Variants in DPP10 observed in about 807,000 individuals in gnomAD.
DPP10 encodes inactive dipeptidyl peptidase 10.
A neutral mutation model predicts 120.9 loss-of-function variants in DPP10; 33 were observed. The ratio of observed to expected loss-of-function variants is 0.27; its 90% confidence interval spans 0.21 to 0.37. The LOEUF is 0.37. DPP10 is among the 10% of genes least tolerant of loss of function. The probability of loss-of-function intolerance (pLI) is 1.00; values close to 1 mark genes in which losing one functional copy is unlikely to be tolerated. For synonymous variants in DPP10, 337 were observed against 326.1 expected (o/e 1.03, Z -0.36); for missense variants, 816 against 942.8 (o/e 0.87, Z 1.76).
intron 1 of DPP10, among the ~76,000 whole-genome samples, chr2:114,937,140 G>C (rs369082201): frequency 2.0e-5 from 3 of 152,208 alleles, no homozygotes; most frequent in African/African-American, 7.2e-5. Context: ...TTGGCTTTTG[G>C]GTTCCTGGTC....
intron 5 of DPP10, among the ~76,000 whole-genome samples, chr2:115,665,551 T>C (rs1435743504): frequency 6.6e-6 from 1 of 152,174 alleles, no homozygotes; most frequent in African/African-American, 2.4e-5. Context: ...GCAACTTAAA[T>C]ATAGAAAACC....
At chr2:115,163,331 CCTCTT>C (rs764196316) in intron 1 of DPP10, among the ~76,000 whole-genome samples, 86 of 152,218 alleles carry the variant, frequency 5.6e-4, no homozygotes, top group Non-Finnish European at 9.0e-4. Flanking sequence ...TTTCTTTTCT[CCTCTT>C]CCCTCCCCTT....
chr2:115,702,983 G>A (rs1470396576), intron 7 of DPP10, among the ~76,000 whole-genome samples: 1 of 151,802 alleles, frequency 6.6e-6, no homozygotes, highest in Non-Finnish European at 1.5e-5. Context: ...GCCTTATAAA[G>A]GTCAGAATTA....
chr2:115,217,741 C>T (rs2056915814), intron 1 of DPP10, among the ~76,000 whole-genome samples: 1 of 152,080 alleles, frequency 6.6e-6, no homozygotes. Context: ...GATTGCTTTG[C>T]CCAAATTATT....
At chr2:115,736,901 A>G (rs1676592571) in intron 8 of DPP10, among the ~76,000 whole-genome samples, 1 of 152,048 alleles carries the variant, frequency 6.6e-6, no homozygotes, top group Non-Finnish European at 1.5e-5. Flanking sequence ...TTCTAATTTT[A>G]CTTTTGCCAC....
chr2:114,802,265 A>G (rs1006454063), intron 1 of DPP10, among the ~76,000 whole-genome samples: 1 of 152,212 alleles, frequency 6.6e-6, no homozygotes, highest in East Asian at 1.9e-4. Context: ...GAGGGCAGGT[A>G]TAAATATAGG....
At chr2:115,176,768 T>C (rs1378487087) in intron 1 of DPP10, among the ~76,000 whole-genome samples, 1 of 152,212 alleles carries the variant, frequency 6.6e-6, no homozygotes, top group Non-Finnish European at 1.5e-5. Flanking sequence ...TTTGGTTACA[T>C]AATTTGATTA....
At chr2:115,426,768 A>G (rs567789109) in intron 3 of DPP10, among the ~76,000 whole-genome samples, 1 of 152,330 alleles carries the variant, frequency 6.6e-6, no homozygotes, top group East Asian at 1.9e-4. Flanking sequence ...TGGCCCCCAC[A>G]AAATTCTTAT....
chr2:114,649,906 G>T (rs1696448184), intron 1 of DPP10, among the ~76,000 whole-genome samples: 1 of 151,484 alleles, frequency 6.6e-6, no homozygotes, highest in Non-Finnish European at 1.5e-5. Context: ...TTTCCACTTG[G>T]TTTATTTGAC....
chr2:115,492,805 TA>T (rs1019806230), intron 3 of DPP10, among the ~76,000 whole-genome samples: 2 of 151,858 alleles, frequency 1.3e-5, no homozygotes, highest in Admixed American at 1.3e-4. Flanking sequence ...CAAAATGGAA[TA>T]AAAAAACTCA....
intron 8 of DPP10, among the ~76,000 whole-genome samples, chr2:115,729,308 G>A (rs1041088214): frequency 9.2e-5 from 14 of 152,252 alleles, no homozygotes; most frequent in East Asian, 1.9e-4. Flanking sequence ...AGACTAAGAC[G>A]TGCCCTTTTT....
chr2:115,360,020 T>C (rs1199446291), intron 3 of DPP10, among the ~76,000 whole-genome samples: 1 of 152,228 alleles, frequency 6.6e-6, no homozygotes, highest in Non-Finnish European at 1.5e-5. Flanking sequence ...ATTATTTTAC[T>C]GCTGTCTCGG....
intron 7 of DPP10, among the ~76,000 whole-genome samples, chr2:115,722,555 T>C (rs1251190331): frequency 6.6e-6 from 1 of 152,080 alleles, no homozygotes; most frequent in African/African-American, 2.4e-5. Flanking sequence ...TACAGTTTAT[T>C]GGTCCTAAGC....
intron 1 of DPP10, among the ~76,000 whole-genome samples, chr2:115,249,223 C>T (rs1005306470): frequency 6.6e-5 from 10 of 151,972 alleles, no homozygotes; most frequent in South Asian, 4.1e-4. Flanking sequence ...TGATATAAAA[C>T]GCACTTTAGA....
intron 3 of DPP10, among the ~76,000 whole-genome samples, chr2:115,392,139 T>A (rs2067360390): frequency 6.6e-6 from 1 of 152,184 alleles, no homozygotes; most frequent in Non-Finnish European, 1.5e-5. Context: ...AATTTACTTA[T>A]TCTCTGTTGT....
intron 1 of DPP10, among the ~76,000 whole-genome samples, chr2:114,763,476 C>T (rs984928768): frequency 2.0e-5 from 3 of 152,146 alleles, no homozygotes; most frequent in Admixed American, 2.0e-4. Flanking sequence ...TTTCAATATA[C>T]TGTGTTATCA....
Position 114,844,326 on chromosome 2 carries a change from T to G in DPP10, c.60+401488T>G, listed in dbSNP as rs555791677. ...GCTAAATGCCATGCTCAAGCTAAGA[T>G]AAGACGACAGCGGTCAGAATAAGAG... On this transcript the variant is annotated intron_variant, in intron 1 of 25. Transcript: ENST00000410059. 1.4e-4 allele frequency among the ~76,000 whole-genome samples: 21 copies of G among 152,108 alleles called. 1 individual carries two copies. The South Asian group carries it at 4.4e-3, about 32-fold the overall frequency.
At chr2:115,085,436 A>G (rs1708611389) in intron 1 of DPP10, among the ~76,000 whole-genome samples, 1 of 152,222 alleles carries the variant, frequency 6.6e-6, no homozygotes, top group Non-Finnish European at 1.5e-5. Flanking sequence ...GCCCATTCCT[A>G]TAATAAAAGT....
intron 3 of DPP10, among the ~76,000 whole-genome samples, chr2:115,391,671 T>G (rs2106543517): frequency 6.6e-6 from 1 of 151,978 alleles, no homozygotes; most frequent in South Asian, 2.1e-4. Context: ...CACATATAAA[T>G]AAGCATTTAT....
Sources: allele counts gnomAD v4.1 joint callset (sites outside exome capture counted in the v4.1 genomes callset), GRCh38; gene constraint gnomAD v4.1.1; transcripts MANE v1.5; gene names NCBI Gene and HGNC (gene_info 2026-07-23, HGNC 2026-07-21).